The following LMX1B variants were observed in gnomAD, a reference collection of about 807,000 sequenced individuals.
The protein encoded by LMX1B is LIM homeobox transcription factor 1-beta.
In LMX1B, 12 loss-of-function variants were observed where a neutral mutation model predicts 51.4. That is an observed-to-expected ratio of 0.23 (90% CI 0.15 to 0.38). The LOEUF (loss-of-function observed/expected upper bound fraction) is 0.38. LMX1B is among the 10% of genes least tolerant of loss of function. The probability of loss-of-function intolerance (pLI) is 1.00; values close to 1 mark genes in which losing one functional copy is unlikely to be tolerated. For missense variants in LMX1B, 445 were observed against 571.1 expected (o/e 0.78, Z 2.25); for synonymous variants, 237 against 235.4 (o/e 1.01, Z -0.06).
At chr9:126,653,992 G>A (rs1411051355) in intron 2 of LMX1B, among the ~76,000 whole-genome samples, 1 of 152,040 alleles carries the variant, frequency 6.6e-6, no homozygotes. Context: ...CAGCTCCCAG[G>A]CTTGGTCTTG....
chr9:126,660,021 G>C (rs911286616), intron 2 of LMX1B, among the ~76,000 whole-genome samples: 2 of 148,574 alleles, frequency 1.3e-5, no homozygotes, highest in Non-Finnish European at 3.0e-5. Context: ...AAATTGTCCT[G>C]TGTGGGGGTG....
chr9:126,694,683 TG>T (rs912940048), intron 6 of LMX1B, among the ~76,000 whole-genome samples: 1 of 152,146 alleles, frequency 6.6e-6, no homozygotes, highest in African/African-American at 2.4e-5. Flanking sequence ...ACCAGGGCAC[TG>T]GGGGCCAGGC....
intron 2 of LMX1B, among the ~76,000 whole-genome samples, chr9:126,648,682 G>A (rs1012399406): frequency 5.9e-5 from 9 of 152,318 alleles, no homozygotes; most frequent in African/African-American, 2.2e-4. Context: ...ACAGGTACAT[G>A]AGTGATGACT....
chr9:126,621,120 A>C (rs1016402551), intron 2 of LMX1B, among the ~76,000 whole-genome samples: 5 of 152,214 alleles, frequency 3.3e-5, no homozygotes, highest in African/African-American at 1.2e-4. Context: ...AGGAAGAGGA[A>C]AAAAACCAGT....
chr9:126,614,922 C>T (rs1835272830), intron 1 of LMX1B, among the ~76,000 whole-genome samples: 1 of 152,046 alleles, frequency 6.6e-6, no homozygotes, highest in Non-Finnish European at 1.5e-5. Flanking sequence ...GCAAGGTCAC[C>T]TGGGGTGGGG....
chr9:126,633,247 G>A (rs1035796868), intron 2 of LMX1B, among the ~76,000 whole-genome samples: 2 of 152,194 alleles, frequency 1.3e-5, no homozygotes, highest in Admixed American at 6.5e-5. Context: ...TCGAACTCTC[G>A]AGGTGAAGCC....
chr9:126,628,857 G>A (rs908706031), intron 2 of LMX1B, among the ~76,000 whole-genome samples: 3 of 152,136 alleles, frequency 2.0e-5, no homozygotes, highest in South Asian at 2.1e-4. Context: ...AAGCGGGGAG[G>A]GGGGTGTGGG....
intron 2 of LMX1B, among the ~76,000 whole-genome samples, chr9:126,638,711 A>G (rs942054734): frequency 2.6e-5 from 4 of 152,022 alleles, no homozygotes; most frequent in Non-Finnish European, 4.4e-5. Context: ...TCCCATTATT[A>G]GCTGTGCTCT....
chr9:126,662,025 C>T (rs1368748705), intron 2 of LMX1B, among the ~76,000 whole-genome samples: 1 of 152,162 alleles, frequency 6.6e-6, no homozygotes. Flanking sequence ...AGGCATGGGA[C>T]ACCTGCGGGG....
At chr9:126,665,897 C>G (rs1836334561) in intron 2 of LMX1B, among the ~76,000 whole-genome samples, 1 of 152,256 alleles carries the variant, frequency 6.6e-6, no homozygotes, top group Non-Finnish European at 1.5e-5. Flanking sequence ...ACCATTGTCT[C>G]CAGGGTGAAT....
chr9:126,652,300 G>GGT (rs903828019), intron 2 of LMX1B, among the ~76,000 whole-genome samples: 3 of 150,624 alleles, frequency 2.0e-5, no homozygotes, highest in Admixed American at 6.6e-5. Context: ...AGGAGAAGGG[G>GGT]GGGGGGATTT....
chr9:126,660,162 T>G (rs1206225691), intron 2 of LMX1B, among the ~76,000 whole-genome samples: 1 of 150,958 alleles, frequency 6.6e-6, no homozygotes, highest in African/African-American at 2.4e-5. Flanking sequence ...GCCTTAGAGA[T>G]TGTCCTGTGT....
rs1564171964 is a variant in LMX1B at position 126,697,844 on chromosome 9, G to GTTTTGTTTTGTT, written c.*1396_*1407dup. 1 of 115,960 alleles carries GTTTTGTTTTGTT rather than the reference G, an allele frequency of 8.6e-6. No individual in the cohort carries two copies. Among genetic ancestry groups the GTTTTGTTTTGTT allele is most frequent in the African/African-American group, 4.1e-5 (1 of 24,402 alleles). The allele number at this position is 115,960 out of a possible 1,614,324, so 7.2% of individuals were successfully genotyped here. ...GCAGGATGGGGGCACCTACTGTTTT[G>GTTTTGTTTTGTT]TTTTGTTTTGTTTTGTTTTGTTTTG... On this transcript the variant is annotated 3_prime_UTR_variant, in exon 8 of 8. Coordinates refer to ENST00000373474, the MANE Select transcript of LMX1B (RefSeq NM_001174147.2).
At chr9:126,614,699 A>T in intron 1 of LMX1B, 111 bp downstream of exon 1, 1 of 1,206,214 alleles carries the variant, frequency 8.3e-7, no homozygotes, top group Non-Finnish European at 1.1e-6. Context: ...TTTGCAGGAC[A>T]TGGGGAGGAG....
At chr9:126,638,463 C>T (rs1419507558) in intron 2 of LMX1B, among the ~76,000 whole-genome samples, 1 of 152,234 alleles carries the variant, frequency 6.6e-6, no homozygotes, top group African/African-American at 2.4e-5. Flanking sequence ...GGGAGCTGAC[C>T]CCGACCCCAC....
chr9:126,694,133 T>A (rs1588308056), intron 6 of LMX1B, among the ~76,000 whole-genome samples: 1 of 151,712 alleles, frequency 6.6e-6, no homozygotes, highest in Non-Finnish European at 1.5e-5. Context: ...GCCTGGAGGG[T>A]TGGCAGAATT....
intron 2 of LMX1B, among the ~76,000 whole-genome samples, chr9:126,644,102 A>T (rs1311353517): frequency 1.3e-5 from 2 of 152,074 alleles, no homozygotes; most frequent in East Asian, 3.9e-4. Flanking sequence ...GCCAGGTGGG[A>T]GTCATCTCAC....
chr9:126,652,122 G>A (rs993088439), intron 2 of LMX1B, among the ~76,000 whole-genome samples: 3 of 152,102 alleles, frequency 2.0e-5, no homozygotes, highest in Non-Finnish European at 2.9e-5. Flanking sequence ...GGAGGGGCCC[G>A]GCTTGGCTGC....
chr9:126,684,485 C>T lies in LMX1B; in HGVS notation c.327-6351C>T, dbSNP rs964387774. Among the ~76,000 whole-genome samples, 3 of 152,240 alleles carry T rather than the reference C, an allele frequency of 2.0e-5. No individual in the cohort carries two copies. In the South Asian group the frequency reaches 6.2e-4, roughly 32 times the overall value. ...AATTACCAGGGAGGGACAGGTCAAACCCCCATTTGACAGAACAGGAATCTG... is the reference window on the plus strand; with the variant it reads ...AATTACCAGGGAGGGACAGGTCAAATCCCCATTTGACAGAACAGGAATCTG... On this transcript the variant is annotated intron_variant, in intron 2 of 7. Coordinates refer to ENST00000373474, the MANE Select transcript of LMX1B (RefSeq NM_001174147.2).
Sources: gnomAD v4.1 joint callset for allele counts (sites outside exome capture counted in the v4.1 genomes callset) on GRCh38, gnomAD v4.1.1 for gene constraint, MANE v1.5 for transcripts, NCBI Gene and HGNC (gene_info 2026-07-23, HGNC 2026-07-21) for gene names.